GRHL1: variants seen among roughly 807,000 people sequenced by gnomAD.
GRHL1 encodes the protein grainyhead-like protein 1 homolog.
Under a neutral mutation model 75.7 loss-of-function variants are expected in GRHL1, and 38 were observed. The ratio of observed to expected loss-of-function variants is 0.50; its 90% CI spans 0.39 to 0.66. GRHL1 has a LOEUF of 0.66. Among genes scored for constraint, GRHL1 ranks in the 30% least tolerant of loss-of-function variants. The pLI is 0.00. For missense variants in GRHL1, 589 were observed against 767.5 expected, an observed-to-expected ratio of 0.77 and a Z score of 2.75; for synonymous variants, 266 against 279.4, an observed-to-expected ratio of 0.95 and a Z score of 0.48.
At chr2:9,977,377 G>A (rs552099394) in intron 8 of GRHL1, among the ~76,000 whole-genome samples, 15 of 152,318 alleles carry the variant, frequency 9.8e-5, no homozygotes, top group African/African-American at 3.6e-4. Flanking sequence ...CTGGAGTGCA[G>A]TGGCATGATC....
chr2:9,980,718 T>TA (rs983921136), intron 8 of GRHL1, among the ~76,000 whole-genome samples: 1 of 152,014 alleles, frequency 6.6e-6, no homozygotes, highest in African/African-American at 2.4e-5. Flanking sequence ...TTTGAATTCT[T>TA]AAAGTTTTAT....
At chr2:9,952,551 A>G (rs1666835821) in intron 1 of GRHL1, among the ~76,000 whole-genome samples, 1 of 152,250 alleles carries the variant, frequency 6.6e-6, no homozygotes, top group African/African-American at 2.4e-5. Flanking sequence ...AAAGTACTGT[A>G]CAAGCTAATA....
At chr2:9,984,505 C>T (rs968078651) in intron 8 of GRHL1, among the ~76,000 whole-genome samples, 2 of 152,214 alleles carry the variant, frequency 1.3e-5, no homozygotes, top group Admixed American at 6.5e-5. Flanking sequence ...ATTTGCTGTA[C>T]ACTGGGTTCC....
At chr2:9,998,855 TATATATACGTATATATATGTACAC>T (rs1572399954) in intron 14 of GRHL1, 86 bp from the exon 15 acceptor site, 2 of 150,210 alleles carry the variant, frequency 1.3e-5, no homozygotes, top group East Asian at 1.3e-4. Context: ...TATGTACACA[TATATATACGTATATATATGTACAC>T]ATATATATAC....
chr2:9,986,007 G>A (rs1036547171), intron 8 of GRHL1, 117 bp from the exon 9 acceptor site: 9 of 689,004 alleles, frequency 1.3e-5, no homozygotes, highest in Non-Finnish European at 1.8e-5. Flanking sequence ...AAAATGAGAA[G>A]CTGAGCTTCT....
rs542029342 is a variant in GRHL1, at chr2:9,953,214, A to G, written c.20+1361A>G. On this transcript the variant is annotated intron_variant, in intron 1 of 15. Coordinates refer to ENST00000324907, the MANE Select transcript of GRHL1 (RefSeq NM_198182.3). The stretch of plus-strand genomic sequence containing the variant: ...TCTCTGTTTTCTATTGCTTGTACAA[A>G]TTTGGGATGTGGGTGGGAGAAGAAG... Among the ~76,000 whole-genome samples the G allele has an allele frequency of 2.6e-5, 4 of 152,350 alleles. No individual in the cohort carries two copies. The East Asian group carries it at 7.7e-4, about 29-fold the overall frequency.
At chr2:9,986,560 G>A (rs953836187) in intron 9 of GRHL1, among the ~76,000 whole-genome samples, 7 of 150,126 alleles carry the variant, frequency 4.7e-5, no homozygotes, top group Non-Finnish European at 1.0e-4. Flanking sequence ...GGGATTACAG[G>A]TGCACACCAC....
At chr2:9,988,824 G>A (rs1048166099) in intron 9 of GRHL1, among the ~76,000 whole-genome samples, 5 of 152,250 alleles carry the variant, frequency 3.3e-5, no homozygotes, top group African/African-American at 1.2e-4. Flanking sequence ...TTGTTTCAGG[G>A]TGGAGGGTAA....
At chr2:9,961,467 C>G in intron 4 of GRHL1, 31 bp downstream of exon 4, 1 of 1,566,530 alleles carries the variant, frequency 6.4e-7, no homozygotes, top group Non-Finnish European at 8.7e-7. Context: ...TCCTAAGACG[C>G]CTGCGTGTTT....
rs945484065 is a variant in GRHL1 at position 9,987,313 on chromosome 2, C to T, written c.1269+1031C>T. 2.7e-4 allele frequency among the ~76,000 whole-genome samples: 41 copies of T among 152,156 alleles called. No homozygotes were observed. Among genetic ancestry groups the T allele is most frequent in the Non-Finnish European group, 2.2e-4 (15 of 68,046 alleles). On this transcript the variant is annotated intron_variant, in intron 9 of 15. Coordinates refer to ENST00000324907, the MANE Select transcript of GRHL1 (RefSeq NM_198182.3). This position sits in a 1 kb window ranked among gnomAD's most constrained non-coding sequence, Gnocchi z 4.2. ...TTATTGTTTTGGCCTTGCAAAGACA[C>T]ATTATGTAGAGATTTTTGAAATTAC...
At chr2:10,000,479 A>G (rs1192545644) in intron 15 of GRHL1, 114 bp from the exon 16 acceptor site, 2 of 653,650 alleles carry the variant, frequency 3.1e-6, no homozygotes, top group Middle Eastern at 2.5e-4. Context: ...GGAGATTTAA[A>G]TAATTTGCCT....
chr2:9,992,994 T>C lies in GRHL1; in HGVS notation c.1462-213T>C, dbSNP rs889535854. Among the ~76,000 whole-genome samples the C allele has an allele frequency of 6.6e-6, 1 of 152,242 alleles. No individual in the cohort carries two copies. The highest frequency in any genetic ancestry group is 6.5e-5 in the Admixed American group (1 of 15,284). On this transcript the variant is annotated intron_variant, in intron 11 of 15. Coordinates refer to ENST00000324907, the MANE Select transcript of GRHL1 (RefSeq NM_198182.3). This position sits in a 1 kb window ranked among gnomAD's most constrained non-coding sequence, Gnocchi z 4.6. ...CGTGGCTTTGTTTCAGTAAAGACTTTATTTACATGAACTGGCTTTAGACCA... is the reference window on the plus strand; with the variant it reads ...CGTGGCTTTGTTTCAGTAAAGACTTCATTTACATGAACTGGCTTTAGACCA...
Position 9,992,011 on chromosome 2 carries a change from T to A in GRHL1, c.1326T>A (p.Ser442=). The A allele has an allele frequency of 2.5e-6, 4 of 1,582,980 alleles. No individual in the cohort carries two copies. The highest frequency in any genetic ancestry group is 3.4e-6 in the Non-Finnish European group (4 of 1,164,152). Residue 442 remains serine, a synonymous_variant, in exon 11 of 16, where the codon TCT becomes TCA. Coordinates refer to ENST00000324907, the MANE Select transcript of GRHL1 (RefSeq NM_198182.3). The surrounding 1 kb of genome is among the most constrained non-coding windows in gnomAD (Gnocchi z 4.6). ...TTTAATTTTTTTTTTTTTCAGTTTCTGATGTTAAAGTGCCACTGCTTCCCT... is the reference window on the plus strand; with the variant it reads ...TTTAATTTTTTTTTTTTTCAGTTTCAGATGTTAAAGTGCCACTGCTTCCCT... The part of the protein sequence containing the change: ...EERKQSKRKV[S]DVKVPLLPSH...
At chr2:9,976,367 G>C (rs1667947462) in intron 8 of GRHL1, among the ~76,000 whole-genome samples, 1 of 152,178 alleles carries the variant, frequency 6.6e-6, no homozygotes, top group Non-Finnish European at 1.5e-5. Flanking sequence ...AACCCAGAAT[G>C]AGCTGTGACC....
At chr2:9,983,473 A>G (rs78823346) in intron 8 of GRHL1, among the ~76,000 whole-genome samples, 3,998 of 152,260 alleles carry the variant, frequency 0.026, 174 homozygotes, top group African/African-American at 0.091. Flanking sequence ...AAGCTGTGCC[A>G]AAGCTCCATG....
rs1667375176 is a variant in GRHL1, at chr2:9,963,787, C to CT, written c.747-96dup. The CT allele has an allele frequency of 3.8e-6, 3 of 790,706 alleles. No homozygotes were observed. In the African/African-American group the frequency reaches 5.4e-5, roughly 14 times the overall value. The allele number at this position is 790,706 out of a possible 1,614,324, so 49.0% of individuals were successfully genotyped here. Reference sequence around the variant, plus strand: ...GCTGAGTACTTTTGTTTCAGATTTTCTTTAAGTGAAAAAGATAGCAAATGC... The same window carrying CT: ...GCTGAGTACTTTTGTTTCAGATTTTCTTTTAAGTGAAAAAGATAGCAAATGC... On this transcript the variant is annotated intron_variant, in intron 5 of 15. Transcript: ENST00000324907.
intron 9 of GRHL1, among the ~76,000 whole-genome samples, chr2:9,989,443 G>T (rs904461541): frequency 2.0e-5 from 3 of 152,138 alleles, no homozygotes; most frequent in African/African-American, 7.2e-5. Context: ...TTACTAATAT[G>T]GTTCTTTTGA....
At position 9,968,743 on chromosome 2, in the gene GRHL1, A is replaced by G. The variant is rs1189155270; in HGVS notation, c.1110+3362A>G. ...CGAGATGGGAGAAAGATACACATAG[A>G]CTCAGCTGGATCAACATTTTCTCTG... On this transcript the variant is annotated intron_variant, in intron 8 of 15. Coordinates refer to ENST00000324907, the MANE Select transcript of GRHL1 (RefSeq NM_198182.3). This position sits in a 1 kb window ranked among gnomAD's most constrained non-coding sequence, Gnocchi z 4.7. 6.6e-6 allele frequency among the ~76,000 whole-genome samples: 1 copy of G among 152,092 alleles called. No individual in the cohort carries two copies. The highest frequency in any genetic ancestry group is 1.5e-5 in the Non-Finnish European group (1 of 68,014).
intron 8 of GRHL1, among the ~76,000 whole-genome samples, chr2:9,979,169 G>GAAAAAAAAAAAAAAAAAAAAAAAAAAAAA (rs1313941842): frequency 6.7e-5 from 5 of 74,900 alleles, no homozygotes; most frequent in Non-Finnish European, 1.0e-4. Context: ...AAAAAAAAAG[G>GAAAAAAAAAAAAAAAAAAAAAAAAAAAAA]AAACCTTATC....
Sources: allele counts gnomAD v4.1 joint callset (sites outside exome capture counted in the v4.1 genomes callset), GRCh38; gene constraint gnomAD v4.1.1; non-coding constraint Gnocchi (gnomAD v3.1); transcripts MANE v1.5; gene names NCBI Gene and HGNC (gene_info 2026-07-23, HGNC 2026-07-21).